MTA1: variants seen among roughly 807,000 people sequenced by gnomAD.
The protein encoded by MTA1 is metastasis-associated protein MTA1.
In MTA1, 15 loss-of-function variants were observed where a neutral mutation model predicts 97.0. The observed-to-expected ratio is 0.15, with a 90% CI of 0.10 to 0.24. MTA1 has a LOEUF of 0.24. Ranked by LOEUF, MTA1 falls within the 10% of genes least tolerant of loss-of-function variation. MTA1 has a pLI of 1.00. For synonymous variants in MTA1, 435 were observed against 417.5 expected, an observed-to-expected ratio of 1.04 and a Z score of -0.51; for missense variants, 709 against 1,015.1, an observed-to-expected ratio of 0.70 and a Z score of 4.10.
At position 105,420,001 on chromosome 14, in the gene MTA1, C is replaced by T. The variant is rs1310240395; in HGVS notation, c.-35C>T. 1.4e-5 allele frequency: 14 copies of T among 1,019,958 alleles called. No individual in the cohort carries two copies. The highest frequency in any genetic ancestry group is 1.8e-5 in the African/African-American group (1 of 57,082). 63.2% of individuals were successfully genotyped at this position (1,019,958 alleles called of 1,614,324 possible). A position where few individuals can be genotyped will look rare whatever the true frequency, so the allele number is the denominator to read the frequency against. ...CGGCCGCCCGCGCCGAGCGCCGCGC[C>T]CGCCCCGGGCCCCTCCGCCGCCGCC... is the stretch of plus-strand genomic sequence containing the variant. On this transcript the variant is annotated 5_prime_UTR_variant, in exon 1 of 21. Coordinates refer to ENST00000331320, the MANE Select transcript of MTA1 (RefSeq NM_004689.4). This position sits in a 1 kb window ranked among gnomAD's most constrained non-coding sequence, Gnocchi z 5.3.
At chr14:105,462,870 A>AAAG (rs782208704) in intron 10 of MTA1, among the ~76,000 whole-genome samples, 4 of 152,222 alleles carry the variant, frequency 2.6e-5, no homozygotes, top group Non-Finnish European at 5.9e-5. Flanking sequence ...CTCCGTCTCA[A>AAAG]AAACAAACAA....
At chr14:105,450,960 G>A (rs587741747) in intron 6 of MTA1, among the ~76,000 whole-genome samples, 3 of 152,322 alleles carry the variant, frequency 2.0e-5, no homozygotes, top group South Asian at 2.1e-4. Flanking sequence ...CGTCTGGAGT[G>A]TGTTGGTTCC....
chr14:105,449,512 C>A, intron 4 of MTA1, 103 bp downstream of exon 4: 1 of 1,294,710 alleles, frequency 7.7e-7, no homozygotes, highest in Non-Finnish European at 1.1e-6. Flanking sequence ...CGCCTGCATG[C>A]CTGTGCCCTG....
chr14:105,461,456 C>T (rs980517552), intron 10 of MTA1, among the ~76,000 whole-genome samples: 2 of 152,218 alleles, frequency 1.3e-5, no homozygotes, highest in African/African-American at 2.4e-5. Flanking sequence ...CACCCTCCAA[C>T]CGTCAGCCCT....
chr14:105,429,432 C>T (rs1287715052), intron 1 of MTA1, among the ~76,000 whole-genome samples: 3 of 151,210 alleles, frequency 2.0e-5, no homozygotes, highest in Non-Finnish European at 4.4e-5. Context: ...ACTACAGGCA[C>T]CCACCACCAC....
chr14:105,421,354 C>T (rs1419291099), intron 1 of MTA1, among the ~76,000 whole-genome samples: 2 of 152,148 alleles, frequency 1.3e-5, no homozygotes, highest in African/African-American at 4.8e-5. Flanking sequence ...CCTTCCTGTT[C>T]TTTCTCCCCA....
chr14:105,461,162 C>T (rs1009285755), intron 10 of MTA1, among the ~76,000 whole-genome samples: 1 of 152,168 alleles, frequency 6.6e-6, no homozygotes, highest in Non-Finnish European at 1.5e-5. Flanking sequence ...GGCATGGGGG[C>T]GCTGGTGGGG....
Position 105,460,747 on chromosome 14 carries a change from T to C in MTA1, c.754-18T>C. 6.4e-7 allele frequency: 1 copy of C among 1,554,962 alleles called. No individual in the cohort carries two copies. Among genetic ancestry groups the C allele is most frequent in the African/African-American group, 1.4e-5 (1 of 73,452 alleles). On this transcript the variant is annotated intron_variant, in intron 9 of 20. Transcript: ENST00000331320. Reference sequence around the variant, plus strand: ...AAAGCCACCTTGGCCCGGGTGACCCTGCTGTCTCCTGCCGCAGTTCCACGC... The same window carrying C: ...AAAGCCACCTTGGCCCGGGTGACCCCGCTGTCTCCTGCCGCAGTTCCACGC...
chr14:105,421,177 T>TCCC (rs1329396014), intron 1 of MTA1, among the ~76,000 whole-genome samples: 2 of 152,092 alleles, frequency 1.3e-5, no homozygotes, highest in Non-Finnish European at 2.9e-5. Flanking sequence ...GCTCTGGGCC[T>TCCC]CCCCTGTCCT....
chr14:105,449,929 C>T, intron 4 of MTA1, 129 bp from the exon 5 acceptor site: 1 of 1,350,478 alleles, frequency 7.4e-7, no homozygotes, highest in East Asian at 2.5e-5. Flanking sequence ...CAGTGTCCGG[C>T]AGCAGGAGGA....
chr14:105,466,552 G>C lies in MTA1; in HGVS notation c.1751G>C (p.Ser584Thr). The C allele has an allele frequency of 1.3e-6, 2 of 1,582,446 alleles. No individual in the cohort carries two copies. The highest frequency in any genetic ancestry group is 1.7e-6 in the Non-Finnish European group (2 of 1,165,260). The change falls in exon 17 of 21, where the codon AGC becomes ACC. Residue 584 changes from serine (S) to threonine (T), a missense_variant. By Grantham distance (58) the Ser-to-Thr change is moderately conservative. Coordinates refer to ENST00000331320, the MANE Select transcript of MTA1 (RefSeq NM_004689.4). Reference sequence around the variant, plus strand: ...TCCCCCACCATCCTGGGCAAGCGCAGCTACGAGCAGCACAACGGGGTGGAC... The same window carrying C: ...TCCCCCACCATCCTGGGCAAGCGCACCTACGAGCAGCACAACGGGGTGGAC... ...NGSPTILGKR[S>T]YEQHNGVDGN...
chr14:105,465,244 G>C, intron 16 of MTA1, 61 bp downstream of exon 16: 1 of 1,408,808 alleles, frequency 7.1e-7, no homozygotes. Flanking sequence ...TCTCACCCAA[G>C]CTCATGCACT....
At position 105,419,892 on chromosome 14, in the gene MTA1, G is replaced by T. The variant is rs2081765875; in HGVS notation, c.-144G>T. ...CGCGGCCTCGGCGGCCTCGGCGGCG[G>T]CGGCGGCGGCGGCGGCGGCAGCAGC... is the stretch of plus-strand genomic sequence containing the variant. On this transcript the variant is annotated 5_prime_UTR_variant, in exon 1 of 21. Coordinates refer to ENST00000331320, the MANE Select transcript of MTA1 (RefSeq NM_004689.4). 9.5e-6 allele frequency: 2 copies of T among 210,478 alleles called. No homozygotes were observed. Among genetic ancestry groups the T allele is most frequent in the South Asian group, 1.5e-4 (1 of 6,804 alleles). 13.0% of individuals were successfully genotyped at this position (210,478 alleles called of 1,614,324 possible). A position where few individuals can be genotyped will look rare whatever the true frequency, so the allele number is the denominator to read the frequency against.
chr14:105,450,681 G>A (rs1255340081), intron 6 of MTA1, among the ~76,000 whole-genome samples: 3 of 152,176 alleles, frequency 2.0e-5, no homozygotes, highest in South Asian at 2.1e-4. Context: ...TCTCCTGGGC[G>A]GTGGGCAGAG....
intron 7 of MTA1, among the ~76,000 whole-genome samples, chr14:105,455,157 C>T (rs149208436): frequency 2.6e-3 from 390 of 152,280 alleles, no homozygotes; most frequent in African/African-American, 9.0e-3. Context: ...CTACCTGCTT[C>T]GACCTCCCAA....
Position 105,460,967 on chromosome 14 carries a change from G to C in MTA1, c.942+14G>C, listed in dbSNP as rs2083324409. Reference sequence around the variant, plus strand: ...CAGCAAGATTTTGTGAGTACCGTGGGTGGCGATGGGGGAGTGGCTGGCCAT... The same window carrying C: ...CAGCAAGATTTTGTGAGTACCGTGGCTGGCGATGGGGGAGTGGCTGGCCAT... On this transcript the variant is annotated intron_variant, in intron 10 of 20. Transcript: ENST00000331320. 1 of 1,601,456 alleles carries C rather than the reference G, an allele frequency of 6.2e-7. No homozygotes were observed. The highest frequency in any genetic ancestry group is 8.5e-7 in the Non-Finnish European group (1 of 1,173,712).
chr14:105,436,150 TC>T (rs1286211170), intron 1 of MTA1, among the ~76,000 whole-genome samples: 2 of 152,144 alleles, frequency 1.3e-5, no homozygotes, highest in Admixed American at 6.6e-5. Flanking sequence ...GCTCCTGTAA[TC>T]CCAGCTACTC....
chr14:105,445,584 C>T, intron 3 of MTA1, 73 bp downstream of exon 3: 1 of 1,484,986 alleles, frequency 6.7e-7, no homozygotes, highest in Non-Finnish European at 9.3e-7. Flanking sequence ...GGTCCTTCTT[C>T]CCTAGGGCCC....
intron 2 of MTA1, among the ~76,000 whole-genome samples, chr14:105,439,775 T>G (rs1555425255): frequency 6.6e-6 from 1 of 152,088 alleles, no homozygotes; most frequent in Non-Finnish European, 1.5e-5. Context: ...TGCCTTCTCC[T>G]AGGAGCCCTG....
Sources: gnomAD v4.1 joint callset for allele counts (sites outside exome capture counted in the v4.1 genomes callset) on GRCh38, gnomAD v4.1.1 for gene constraint, Gnocchi (gnomAD v3.1) non-coding constraint, MANE v1.5 for transcripts, NCBI Gene and HGNC (gene_info 2026-07-23, HGNC 2026-07-21) for gene names.